The following EPHA10 variants were observed in gnomAD, a reference collection of about 807,000 sequenced individuals.
EPHA10 encodes ephrin type-A receptor 10.
EPHA10 carries 120 observed loss-of-function variants against 109.7 expected under a neutral mutation model. The observed-to-expected ratio is 1.09, with a 90% CI of 0.94 to 1.27. The LOEUF (loss-of-function observed/expected upper bound fraction) is 1.27, where lower values mean the gene tolerates loss of function less well. Ranked by LOEUF, EPHA10 falls within the 50% of genes most tolerant of loss-of-function variation. The probability of loss-of-function intolerance (pLI) is 0.00; values close to 1 mark genes in which losing one functional copy is unlikely to be tolerated. For missense variants in EPHA10, 1,396 were observed against 1,411.1 expected, an observed-to-expected ratio of 0.99 and a Z score of 0.17; for synonymous variants, 640 against 618.9, an observed-to-expected ratio of 1.03 and a Z score of -0.51.
At chr1:37,735,184 TG>T in intron 6 of EPHA10, 72 bp downstream of exon 6, 1 of 1,536,404 alleles carries the variant, frequency 6.5e-7, no homozygotes, top group Middle Eastern at 1.7e-4. Flanking sequence ...GCTGGGAGGA[TG>T]GCCTGAAGAA....
chr1:37,719,314 G>T, intron 15 of EPHA10, 100 bp downstream of exon 15: 1 of 1,366,636 alleles, frequency 7.3e-7, no homozygotes, highest in Non-Finnish European at 1.0e-6. Context: ...AATTGCTCTT[G>T]GACAGGTGGG....
At chr1:37,722,095 C>A (rs1181907256) in intron 10 of EPHA10, 1 of 413,360 alleles carries the variant, frequency 2.4e-6, no homozygotes, top group Non-Finnish European at 4.4e-6. Context: ...TGTGCCACTG[C>A]ACTTCAGACT....
In EPHA10 at chr1:37,723,312, G is replaced by A; in HGVS notation, c.1833C>T (p.His611=). 1 of 1,614,132 alleles carries A rather than the reference G, an allele frequency of 6.2e-7. No individual in the cohort carries two copies. Among genetic ancestry groups the A allele is most frequent in the Non-Finnish European group, 8.5e-7 (1 of 1,179,992 alleles). ...CCCAGCCAGGCCCAGCCAACTCACA[G>A]TGGAAATACAGCTCCTCTTCATCAT... The part of the protein sequence containing the change: ...DAHDEEELYF[H]FKVPTRRTFL... Residue 611 remains histidine, a splice_region_variant and synonymous_variant, in exon 9 of 17, where the codon CAC becomes CAT. Coordinates refer to ENST00000373048, the MANE Select transcript of EPHA10 (RefSeq NM_001099439.2).
Position 37,717,957 on chromosome 1 carries a change from G to A in EPHA10, c.*415C>T, listed in dbSNP as rs1645717923. 1 of 254,818 alleles carries A rather than the reference G, an allele frequency of 3.9e-6. No individual in the cohort carries two copies. The highest frequency in any genetic ancestry group is 4.8e-5 in the Admixed American group (1 of 21,036). The allele number at this position is 254,818 out of a possible 1,614,324, so 15.8% of individuals were successfully genotyped here. ...CCCCCAGGACCCACGCTGTCTGACT[G>A]GTCAATGGGTCTGTGGGAAAAGGGA... On this transcript the variant is annotated 3_prime_UTR_variant, in exon 17 of 17. Coordinates refer to ENST00000373048, the MANE Select transcript of EPHA10 (RefSeq NM_001099439.2).
chr1:37,718,307 G>T lies in EPHA10; in HGVS notation c.*65C>A. 1 of 1,395,912 alleles carries T rather than the reference G, an allele frequency of 7.2e-7. No individual in the cohort carries two copies. Among genetic ancestry groups the T allele is most frequent in the Non-Finnish European group, 9.9e-7 (1 of 1,013,286 alleles). The allele number at this position is 1,395,912 out of a possible 1,614,324, so 86.5% of individuals were successfully genotyped here. On this transcript the variant is annotated 3_prime_UTR_variant, in exon 17 of 17. Transcript: ENST00000373048. ...CACTGCTGGAGCGCAGCTTGCCACG[G>T]TCCTTGGGCAGGGCTGGGGGACTGG...
intron 5 of EPHA10, among the ~76,000 whole-genome samples, chr1:37,742,044 A>G (rs1406233853): frequency 6.6e-6 from 1 of 152,206 alleles, no homozygotes; most frequent in Non-Finnish European, 1.5e-5. Context: ...AAAGCATCAG[A>G]TGGCCAGGAT....
Position 37,718,306 on chromosome 1 carries a change from G to C in EPHA10, c.*66C>G, listed in dbSNP as rs1006561689. On this transcript the variant is annotated 3_prime_UTR_variant, in exon 17 of 17. Transcript: ENST00000373048. ...ACACTGCTGGAGCGCAGCTTGCCAC[G>C]GTCCTTGGGCAGGGCTGGGGGACTG... 1 of 1,380,590 alleles carries C rather than the reference G, an allele frequency of 7.2e-7. No homozygotes were observed. The highest frequency in any genetic ancestry group is 1.3e-5 in the South Asian group (1 of 75,098). 85.5% of individuals were successfully genotyped at this position (1,380,590 alleles called of 1,614,324 possible).
chr1:37,737,993 C>A (rs968224540), intron 5 of EPHA10: 1 of 101,218 alleles, frequency 9.9e-6, no homozygotes, highest in Non-Finnish European at 1.8e-5. Context: ...TGGAGATGAA[C>A]AAAGAAATCT....
At chr1:37,735,128 T>C (rs1646047563) in intron 6 of EPHA10, 129 bp downstream of exon 6, 1 of 1,256,162 alleles carries the variant, frequency 8.0e-7, no homozygotes, top group East Asian at 2.6e-5. Flanking sequence ...CTGGGGCCCC[T>C]AGGAGACGGG....
chr1:37,754,301 C>A lies in EPHA10; in HGVS notation c.920G>T (p.Arg307Leu). The change falls in exon 4 of 17, where the codon CGG (arginine) becomes CTG (leucine). Residue 307 changes from arginine to leucine, a missense_variant. Physicochemically the swap from Arg to Leu is moderately radical, Grantham distance 102 (BLOSUM62 -2). Coordinates refer to ENST00000373048, the MANE Select transcript of EPHA10 (RefSeq NM_001099439.2). The surrounding 1 kb of genome is among the most constrained non-coding windows in gnomAD (Gnocchi z 4.5). The part of the protein sequence containing the change: ...PLCSPCPEHS[R>L]ALENASTFCV... ...GAAGGTGGAGGCGTTTTCCAGGGCCCGGCTGTGCTCTGGGCACGGTGAGCA... is the reference window on the plus strand; with the variant it reads ...GAAGGTGGAGGCGTTTTCCAGGGCCAGGCTGTGCTCTGGGCACGGTGAGCA... 1 of 1,320,044 alleles carries A rather than the reference C, an allele frequency of 7.6e-7. No homozygotes were observed. Among genetic ancestry groups the A allele is most frequent in the Non-Finnish European group, 9.7e-7 (1 of 1,029,018 alleles). The allele number at this position is 1,320,044 out of a possible 1,614,324, so 81.8% of individuals were successfully genotyped here. A position where few individuals can be genotyped will look rare whatever the true frequency, so the allele number is the denominator to read the frequency against.
chr1:37,723,107 C>G lies in EPHA10; in HGVS notation c.1894G>C (p.Ala632Pro), dbSNP rs199802058. The change falls in exon 10 of 17, where the codon GCT becomes CCT. Residue 632 changes from alanine to proline, a missense_variant. Coordinates refer to ENST00000373048, the MANE Select transcript of EPHA10 (RefSeq NM_001099439.2). ...DPQSCGDLLQ[A>P]VHLFAKELDA... ...AGTTCCTTGGCGAACAGATGCACAG[C>G]CTGCAGCAGGTCCCCACAGCTCTGG... is the stretch of plus-strand genomic sequence containing the variant. The G allele has an allele frequency of 1.6e-4, 263 of 1,614,216 alleles. 1 individual carries two copies. The highest frequency in any genetic ancestry group is 7.2e-4 in the Admixed American group (43 of 60,028).
intron 11 of EPHA10, among the ~76,000 whole-genome samples, chr1:37,721,266 A>C (rs1321935737): frequency 2.0e-5 from 3 of 150,982 alleles, no homozygotes; most frequent in East Asian, 1.9e-4. Flanking sequence ...AAAAAAAAAA[A>C]AAAACAAAAA....
At position 37,731,465 on chromosome 1, in the gene EPHA10, AT is replaced by A. The variant is rs1213919744; in HGVS notation, c.1608del (p.Ser537ProfsTer34). On this transcript the variant is annotated frameshift_variant, in exon 7 of 17. Coordinates refer to ENST00000373048, the MANE Select transcript of EPHA10 (RefSeq NM_001099439.2). LOFTEE classifies it high-confidence loss of function. ...VFQIRAASPG[P>X]SWEAQSFNPS... The stretch of plus-strand genomic sequence containing the variant: ...GGGTTAAAACTCTGGGCCTCCCAGG[AT>A]GGCCCCGGGGAAGCGGCCCGGATCT... 6.2e-7 allele frequency: 1 copy of A among 1,613,888 alleles called. No individual in the cohort carries two copies. Among genetic ancestry groups the A allele is most frequent in the Non-Finnish European group, 8.5e-7 (1 of 1,179,888 alleles).
chr1:37,748,918 CTTTT>C (rs55656984), intron 5 of EPHA10, among the ~76,000 whole-genome samples: 51 of 95,284 alleles, frequency 5.4e-4, no homozygotes, highest in South Asian at 1.6e-3. Context: ...TTCTTTTCAT[CTTTT>C]TTTTTTTTTT....
In EPHA10 at chr1:37,721,786, C is replaced by T. The variant is rs1372906845; in HGVS notation, c.2020G>A (p.Val674Ile). The T allele has an allele frequency of 1.2e-6, 2 of 1,611,162 alleles. No homozygotes were observed. The highest frequency in any genetic ancestry group is 1.7e-5 in the Admixed American group (1 of 59,884). ...LQLPGRQELL[V>I]AVHMLRDSAS... Reference sequence around the variant, plus strand: ...CTGTCCCTCAGCATATGCACGGCTACGAGCAGCTCCTGGCGACCGGGGAGC... The same window carrying T: ...CTGTCCCTCAGCATATGCACGGCTATGAGCAGCTCCTGGCGACCGGGGAGC... Residue 674 changes from valine to isoleucine, a missense_variant, in exon 11 of 17, where the codon GTA (valine) becomes ATA (isoleucine). Val to Ile is a conservative substitution (Grantham distance 29, BLOSUM62 3). Coordinates refer to ENST00000373048, the MANE Select transcript of EPHA10 (RefSeq NM_001099439.2).
intron 5 of EPHA10, among the ~76,000 whole-genome samples, chr1:37,741,937 G>A (rs534331898): frequency 1.1e-4 from 17 of 152,280 alleles, no homozygotes; most frequent in Admixed American, 5.2e-4. Flanking sequence ...GAGGAGTGAT[G>A]AAGCATTCTA....
chr1:37,739,412 C>T (rs758481351), intron 5 of EPHA10, among the ~76,000 whole-genome samples: 27 of 152,136 alleles, frequency 1.8e-4, no homozygotes, highest in Non-Finnish European at 8.8e-5. Flanking sequence ...TGCTTATAAT[C>T]TCAGTGACTC....
intron 3 of EPHA10, chr1:37,761,129 AAAT>A: frequency 1.6e-6 from 2 of 1,271,256 alleles, no homozygotes; most frequent in Non-Finnish European, 2.0e-6. Context: ...ATTGCCATGA[AAAT>A]AAATAAACGA....
At chr1:37,752,807 G>A (rs2148364623) in intron 5 of EPHA10, 69 bp downstream of exon 5, 6 of 1,120,892 alleles carry the variant, frequency 5.4e-6, no homozygotes, top group South Asian at 8.3e-5. Flanking sequence ...GGACCGACGG[G>A]GCGGCCCCAA....
Sources: gnomAD v4.1 joint callset for allele counts (sites outside exome capture counted in the v4.1 genomes callset) on GRCh38, gnomAD v4.1.1 for gene constraint, Gnocchi (gnomAD v3.1) non-coding constraint, MANE v1.5 for transcripts, NCBI Gene and HGNC (gene_info 2026-07-23, HGNC 2026-07-21) for gene names.